Variants in STPG2 observed in about 807,000 individuals in gnomAD.
STPG2 encodes sperm-tail PG-rich repeat-containing protein 2.
In STPG2, 56 loss-of-function variants were observed where a neutral mutation model predicts 54.2. The ratio of observed to expected loss-of-function variants is 1.03; its 90% CI spans 0.83 to 1.29. The LOEUF (loss-of-function observed/expected upper bound fraction) is 1.29, where lower values mean the gene tolerates loss of function less well. Among genes scored for constraint, STPG2 ranks in the 50% most tolerant of loss-of-function variants. The pLI is 0.00. For synonymous variants in STPG2, 200 were observed against 181.8 expected, an observed-to-expected ratio of 1.10 and a Z score of -0.81; for missense variants, 596 against 544.9, an observed-to-expected ratio of 1.09 and a Z score of -0.93.
intron 5 of STPG2, among the ~76,000 whole-genome samples, chr4:98,001,243 T>C (rs1165994665): frequency 6.6e-6 from 1 of 151,944 alleles, no homozygotes; most frequent in Non-Finnish European, 1.5e-5. Flanking sequence ...ATAAGGCTTT[T>C]GTACTCAAAA....
At position 98,009,735 on chromosome 4, in the gene STPG2, G is replaced by A. The variant is rs143027460; in HGVS notation, c.613-28417C>T. On this transcript the variant is annotated intron_variant, in intron 5 of 10. Coordinates refer to ENST00000295268, the MANE Select transcript of STPG2 (RefSeq NM_174952.3). ...GCTGCCTATTTCTCCCTTGATATCT[G>A]TTAATATCAAATTATGTGCTCCAAT... 4.2e-3 allele frequency among the ~76,000 whole-genome samples: 642 copies of A among 151,986 alleles called. 3 individuals are homozygous for A. Among genetic ancestry groups the A allele is most frequent in the South Asian group, 0.024 (118 of 4,826 alleles).
chr4:97,470,131 G>A (rs1483520848), intron 4 of STPG2, among the ~76,000 whole-genome samples: 1 of 152,020 alleles, frequency 6.6e-6, no homozygotes, highest in Non-Finnish European at 1.5e-5. Context: ...TCAGATTCAG[G>A]ACAATTATTT....
At chr4:97,921,320 C>T (rs1182127490) in intron 8 of STPG2, among the ~76,000 whole-genome samples, 1 of 152,080 alleles carries the variant, frequency 6.6e-6, no homozygotes, top group Non-Finnish European at 1.5e-5. Flanking sequence ...TCCAGACCTA[C>T]CCCAGTTTCC....
chr4:97,441,928 A>C (rs1162504851), intron 4 of STPG2, among the ~76,000 whole-genome samples: 4 of 152,084 alleles, frequency 2.6e-5, no homozygotes, highest in Non-Finnish European at 5.9e-5. Flanking sequence ...AATATAATTT[A>C]ATACACTATT....
At chr4:97,910,204 C>T (rs1377815034) in intron 8 of STPG2, among the ~76,000 whole-genome samples, 1 of 152,182 alleles carries the variant, frequency 6.6e-6, no homozygotes, top group Non-Finnish European at 1.5e-5. Flanking sequence ...CCGGGTGCTG[C>T]AGAAACTCTT....
chr4:97,453,220 C>T (rs1729423253), intron 4 of STPG2, among the ~76,000 whole-genome samples: 2 of 152,232 alleles, frequency 1.3e-5, no homozygotes, highest in Admixed American at 1.3e-4. Flanking sequence ...GCAGGGGAAG[C>T]TGCTTGTGGT....
At chr4:97,479,903 A>G (rs1730175324) in intron 4 of STPG2, among the ~76,000 whole-genome samples, 1 of 151,856 alleles carries the variant, frequency 6.6e-6, no homozygotes, top group South Asian at 2.1e-4. Context: ...TGTAGCAGTA[A>G]TGGATAATTT....
At chr4:97,851,401 C>T (rs1254680303) in intron 8 of STPG2, among the ~76,000 whole-genome samples, 1 of 152,156 alleles carries the variant, frequency 6.6e-6, no homozygotes, top group Non-Finnish European at 1.5e-5. Context: ...TTAAGTTCTT[C>T]CATGACAGTA....
At chr4:97,766,334 G>A (rs960428927) in intron 9 of STPG2, among the ~76,000 whole-genome samples, 11 of 151,998 alleles carry the variant, frequency 7.2e-5, no homozygotes, top group African/African-American at 2.7e-4. Context: ...CAGACTGGAT[G>A]TGGCAATCAA....
chr4:98,014,220 A>C (rs1262123170), intron 5 of STPG2, among the ~76,000 whole-genome samples: 1 of 151,974 alleles, frequency 6.6e-6, no homozygotes, highest in Non-Finnish European at 1.5e-5. Flanking sequence ...CCTTAACTTC[A>C]TTATTTACCC....
chr4:98,005,915 A>AT (rs1252787270), intron 5 of STPG2, among the ~76,000 whole-genome samples: 1 of 152,104 alleles, frequency 6.6e-6, no homozygotes. Context: ...CTCTTTTTCC[A>AT]TTTTTTGAAA....
chr4:97,818,338 T>G lies in STPG2; in HGVS notation c.1204+22435A>C, dbSNP rs530316646. On this transcript the variant is annotated intron_variant, in intron 9 of 10. Coordinates refer to ENST00000295268, the MANE Select transcript of STPG2 (RefSeq NM_174952.3). ...CTATGTTTTTTCCTATATATACATATCCATAATAAAGTTTAATTTCTAAAT... is the reference window on the plus strand; with the variant it reads ...CTATGTTTTTTCCTATATATACATAGCCATAATAAAGTTTAATTTCTAAAT... Among the ~76,000 whole-genome samples the G allele has an allele frequency of 8.5e-5, 13 of 152,052 alleles. No individual in the cohort carries two copies. In the South Asian group the frequency reaches 2.7e-3, roughly 32 times the overall value.
rs1338793745 is a variant in STPG2 at position 98,143,158 on chromosome 4, G to C, written c.-8C>G. The C allele has an allele frequency of 8.7e-6, 14 of 1,607,798 alleles. No individual in the cohort carries two copies. Among genetic ancestry groups the C allele is most frequent in the Admixed American group, 3.4e-5 (2 of 59,692 alleles). ...GGGAGCCCGATCATACATAGTGCTC[G>C]GGGTGGTGGGGGCGCTGGGGAAGGG... On this transcript the variant is annotated 5_prime_UTR_variant, in exon 1 of 11. Coordinates refer to ENST00000295268, the MANE Select transcript of STPG2 (RefSeq NM_174952.3).
chr4:97,863,003 T>C (rs1729613988), intron 8 of STPG2, among the ~76,000 whole-genome samples: 1 of 152,024 alleles, frequency 6.6e-6, no homozygotes, highest in Admixed American at 6.6e-5. Flanking sequence ...AGGAAAGATC[T>C]AAAATTGACA....
intron 9 of STPG2, among the ~76,000 whole-genome samples, chr4:97,736,053 G>C (rs28880912): frequency 6.6e-6 from 1 of 152,170 alleles, no homozygotes; most frequent in African/African-American, 2.4e-5. Flanking sequence ...GTGTTAGTGA[G>C]GGTGTGCAGA....
chr4:98,119,539 A>G (rs561416085), intron 3 of STPG2, among the ~76,000 whole-genome samples: 40 of 152,070 alleles, frequency 2.6e-4, no homozygotes, highest in Non-Finnish European at 4.7e-4. Flanking sequence ...AATTAGCAAT[A>G]TTTTTCATAA....
At chr4:97,825,091 C>T (rs1728211129) in intron 9 of STPG2, among the ~76,000 whole-genome samples, 2 of 151,990 alleles carry the variant, frequency 1.3e-5, no homozygotes, top group South Asian at 4.2e-4. Context: ...GATATTCAAG[C>T]TCTAACAGCC....
At chr4:97,459,663 G>A (rs776838929) in intron 4 of STPG2, among the ~76,000 whole-genome samples, 21 of 151,932 alleles carry the variant, frequency 1.4e-4, no homozygotes, top group African/African-American at 4.8e-4. Flanking sequence ...GGATGGTCTC[G>A]ATCTCCTGAC....
intron 4 of STPG2, among the ~76,000 whole-genome samples, chr4:97,525,761 T>C (rs1199718258): frequency 6.6e-6 from 1 of 151,944 alleles, no homozygotes; most frequent in Non-Finnish European, 1.5e-5. Context: ...ATTCTAAGTA[T>C]ATTCAAAAAA....
Sources: allele counts gnomAD v4.1 joint callset (sites outside exome capture counted in the v4.1 genomes callset), GRCh38; gene constraint gnomAD v4.1.1; transcripts MANE v1.5; gene names NCBI Gene and HGNC (gene_info 2026-07-23, HGNC 2026-07-21).